Variants in ITPR1 observed in about 807,000 individuals in gnomAD.
ITPR1 encodes inositol 1,4,5-trisphosphate receptor type 1, also known as inositol 1,4,5-trisphosphate-gated calcium channel ITPR1.
In ITPR1, 96 loss-of-function variants were observed where a neutral mutation model predicts 318.4. The observed-to-expected ratio is 0.30, with a 90% CI of 0.26 to 0.36. The LOEUF (loss-of-function observed/expected upper bound fraction) is 0.36, where lower values mean the gene tolerates loss of function less well. Among genes scored for constraint, ITPR1 ranks in the 10% least tolerant of loss-of-function variants. ITPR1 has a pLI of 1.00. For synonymous variants in ITPR1, 1,312 were observed against 1,289.9 expected (o/e 1.02, Z -0.37); for missense variants, 2,440 against 3,460.2 (o/e 0.71, Z 7.40).
Position 4,782,672 on chromosome 3 carries a change from A to T in ITPR1, c.6441A>T (p.Gly2147=), listed in dbSNP as rs1196886749. 2 of 1,604,668 alleles carry T rather than the reference A, an allele frequency of 1.2e-6. No homozygotes were observed. The highest frequency in any genetic ancestry group is 1.7e-6 in the Non-Finnish European group (2 of 1,175,056). The change falls in exon 50 of 62, where the codon GGA becomes GGT. Residue 2147 remains glycine, a synonymous_variant. Coordinates refer to ENST00000649015, the MANE Select transcript of ITPR1 (RefSeq NM_001378452.1). The part of the protein sequence containing the change: ...YMQGEVEFED[G]ENGEDGAASP... ...AAGGTGAAGTGGAATTTGAGGATGG[A>T]GAAAACGGTGAGGATGGGGCGGCGT... is the stretch of plus-strand genomic sequence containing the variant.
chr3:4,642,798 G>T (rs908065387), intron 7 of ITPR1, among the ~76,000 whole-genome samples: 5 of 152,162 alleles, frequency 3.3e-5, no homozygotes, highest in African/African-American at 1.2e-4. Context: ...AGGCTTTTCA[G>T]GGAGACTTAG....
At chr3:4,777,135 G>T in intron 47 of ITPR1, 129 bp from the exon 48 acceptor site, 3 of 527,416 alleles carry the variant, frequency 5.7e-6, no homozygotes, top group Non-Finnish European at 1.0e-5. Context: ...CGGAAAATTT[G>T]CAGCTCTCCC....
chr3:4,611,119 C>G (rs1477123031), intron 4 of ITPR1, among the ~76,000 whole-genome samples: 1 of 137,392 alleles, frequency 7.3e-6, no homozygotes, highest in Non-Finnish European at 1.5e-5. Context: ...TAACTGCCAG[C>G]CATGGTGGCT....
chr3:4,677,252 G>A (rs747716150), intron 24 of ITPR1, among the ~76,000 whole-genome samples: 5 of 152,102 alleles, frequency 3.3e-5, no homozygotes, highest in Non-Finnish European at 7.3e-5. Flanking sequence ...CACTGGGAGG[G>A]TCCAGCAATG....
chr3:4,815,625 G>A (rs1460657876), intron 59 of ITPR1, among the ~76,000 whole-genome samples: 1 of 152,090 alleles, frequency 6.6e-6, no homozygotes, highest in Non-Finnish European at 1.5e-5. Context: ...GAGAAGTAGT[G>A]AACGGCTACG....
chr3:4,719,051 G>GTAATC (rs1279680823), intron 40 of ITPR1, among the ~76,000 whole-genome samples: 1 of 152,200 alleles, frequency 6.6e-6, no homozygotes, highest in Admixed American at 6.5e-5. Context: ...TTGCCCCATA[G>GTAATC]TAATCAGTTG....
intron 36 of ITPR1, among the ~76,000 whole-genome samples, chr3:4,703,225 C>T (rs994720170): frequency 2.0e-5 from 3 of 152,152 alleles, no homozygotes; most frequent in South Asian, 2.1e-4. Context: ...TGGCAAGTAA[C>T]GATACACACA....
chr3:4,771,782 A>G (rs572105840), intron 46 of ITPR1, among the ~76,000 whole-genome samples: 82 of 152,292 alleles, frequency 5.4e-4, no homozygotes, highest in Middle Eastern at 6.8e-3. Context: ...GTTTGAAGGT[A>G]TCATAAAGAT....
At chr3:4,689,973 AG>A (rs1412664108) in intron 31 of ITPR1, among the ~76,000 whole-genome samples, 1 of 152,210 alleles carries the variant, frequency 6.6e-6, no homozygotes, top group African/African-American at 2.4e-5. Flanking sequence ...CTAAGGAAAA[AG>A]TTGACCTTCT....
At chr3:4,699,766 TG>T in intron 34 of ITPR1, 46 bp from the exon 35 acceptor site, 5 of 1,590,210 alleles carry the variant, frequency 3.1e-6, no homozygotes, top group Non-Finnish European at 4.3e-6. Flanking sequence ...TCTTAATGTT[TG>T]GTGTAGGTTT....
At chr3:4,623,070 T>C (rs931503) in intron 4 of ITPR1, among the ~76,000 whole-genome samples, 22,981 of 152,224 alleles carry the variant, frequency 0.15, 2,323 homozygotes, top group East Asian at 0.47. Context: ...ACTTTTTTGC[T>C]TTCTCACTTT....
chr3:4,814,307 T>G (rs1181210373), intron 57 of ITPR1, 116 bp from the exon 58 acceptor site: 5 of 1,175,652 alleles, frequency 4.3e-6, no homozygotes, highest in Middle Eastern at 2.1e-4. Context: ...TCTTGATTCC[T>G]TAATTTTATT....
rs767704563 is a variant in ITPR1, at chr3:4,684,307, T to C, written c.3525T>C (p.His1175=). 8.7e-6 allele frequency: 14 copies of C among 1,612,854 alleles called. 2 individuals carry two copies. The South Asian group carries it at 1.4e-4, about 17-fold the overall frequency. ...AGGGAAATAACAAGCCACAAAAGCA[T>C]GAAAGCACCAGCAGCTACAACTACA... is the stretch of plus-strand genomic sequence containing the variant. ...TEEGNNKPQK[H]ESTSSYNYRV... is the part of the protein sequence containing the mutation. Residue 1175 remains histidine, a synonymous_variant, in exon 29 of 62, where the codon CAT becomes CAC. Transcript: ENST00000649015.
In ITPR1 at chr3:4,767,195, G is replaced by A. The variant is rs1382095781; in HGVS notation, c.5725+485G>A. On this transcript the variant is annotated intron_variant, in intron 45 of 61. Transcript: ENST00000649015. ...GTCTTGAGAAAGTTAAGCATGCTGA[G>A]CCTCACGTTTCAAGTTTAGAACTGG... Among the ~76,000 whole-genome samples, 3 of 152,226 alleles carry A rather than the reference G, an allele frequency of 2.0e-5. No homozygotes were observed. The East Asian group carries it at 5.8e-4, about 29-fold the overall frequency.
At chr3:4,843,435 G>T (rs2051518693) in intron 61 of ITPR1, among the ~76,000 whole-genome samples, 1 of 152,160 alleles carries the variant, frequency 6.6e-6, no homozygotes, top group African/African-American at 2.4e-5. Flanking sequence ...CTAGAGCAGT[G>T]GTTCTCAAAG....
intron 4 of ITPR1, among the ~76,000 whole-genome samples, chr3:4,560,126 A>T (rs949561963): frequency 6.6e-6 from 1 of 152,216 alleles, no homozygotes. Flanking sequence ...TTGGAACAGT[A>T]CTTGGCACGT....
chr3:4,545,016 G>C (rs988682796), intron 4 of ITPR1, among the ~76,000 whole-genome samples: 1 of 151,906 alleles, frequency 6.6e-6, no homozygotes, highest in Admixed American at 6.6e-5. Context: ...AGCTGGTCTC[G>C]AACTCCTGGG....
At chr3:4,514,902 G>T (rs548323833) in intron 2 of ITPR1, among the ~76,000 whole-genome samples, 31 of 152,276 alleles carry the variant, frequency 2.0e-4, no homozygotes, top group South Asian at 8.3e-4. Flanking sequence ...AAAATATGTA[G>T]TTACGAAGAA....
chr3:4,790,302 G>A (rs2125408870), intron 52 of ITPR1, among the ~76,000 whole-genome samples: 1 of 152,306 alleles, frequency 6.6e-6, no homozygotes, highest in South Asian at 2.1e-4. Context: ...ACCCTCACCT[G>A]TGAAGTGAGG....
Sources: gnomAD v4.1 joint callset for allele counts (sites outside exome capture counted in the v4.1 genomes callset) on GRCh38, gnomAD v4.1.1 for gene constraint, MANE v1.5 for transcripts, NCBI Gene and HGNC (gene_info 2026-07-23, HGNC 2026-07-21) for gene names.